The following KPNA3 variants were observed in gnomAD, a reference collection of about 807,000 sequenced individuals.
KPNA3 encodes karyopherin subunit alpha 3.
A neutral mutation model predicts 73.8 loss-of-function variants in KPNA3; 13 were observed. The observed-to-expected ratio is 0.18, with a 90% CI of 0.11 to 0.28. KPNA3 has a LOEUF of 0.28. Among genes scored for constraint, KPNA3 ranks in the 10% least tolerant of loss-of-function variants. The probability of loss-of-function intolerance (pLI) is 1.00; values close to 1 mark genes in which losing one functional copy is unlikely to be tolerated. For synonymous variants in KPNA3, 186 were observed against 206.9 expected, an observed-to-expected ratio of 0.90 and a Z score of 0.87; for missense variants, 360 against 618.1, an observed-to-expected ratio of 0.58 and a Z score of 4.43.
At chr13:49,762,871 AAAATT>A (rs1954779340) in intron 1 of KPNA3, among the ~76,000 whole-genome samples, 1 of 151,340 alleles carries the variant, frequency 6.6e-6, no homozygotes, top group Non-Finnish European at 1.5e-5. Context: ...TAAAAAAAAT[AAAATT>A]AAATTAAAAA....
chr13:49,734,003 A>G (rs1412888690), intron 2 of KPNA3, among the ~76,000 whole-genome samples: 3 of 152,262 alleles, frequency 2.0e-5, no homozygotes, highest in Admixed American at 6.5e-5. Context: ...TAAAATGGCT[A>G]TTGTTTTAAG....
chr13:49,785,986 T>C (rs992754382), intron 1 of KPNA3, among the ~76,000 whole-genome samples: 5 of 152,216 alleles, frequency 3.3e-5, no homozygotes, highest in African/African-American at 1.2e-4. Flanking sequence ...ACTGTTGTTA[T>C]TTAAGAGTGC....
At chr13:49,705,840 G>A (rs1954202762) in intron 14 of KPNA3, 57 bp from the exon 15 acceptor site, 2 of 1,415,964 alleles carry the variant, frequency 1.4e-6, no homozygotes, top group African/African-American at 2.9e-5. Flanking sequence ...TTTCCCAGTA[G>A]GGTGTCGTGC....
chr13:49,789,229 TG>T (rs1422202838), intron 1 of KPNA3, among the ~76,000 whole-genome samples: 1 of 152,216 alleles, frequency 6.6e-6, no homozygotes, highest in African/African-American at 2.4e-5. Context: ...ACAGGCCACC[TG>T]GAAGTCTCCT....
At chr13:49,766,688 C>T (rs763434294) in intron 1 of KPNA3, among the ~76,000 whole-genome samples, 3 of 152,102 alleles carry the variant, frequency 2.0e-5, no homozygotes, top group African/African-American at 4.8e-5. Flanking sequence ...AAGAATAAAT[C>T]GGAAACTTCA....
chr13:49,733,282 G>GTTTTTTTTT lies in KPNA3; in HGVS notation c.115-245_115-237dup, dbSNP rs760449062. Among the ~76,000 whole-genome samples, 19 of 100,916 alleles carry GTTTTTTTTT rather than the reference G, an allele frequency of 1.9e-4. 1 individual carries two copies. The highest frequency in any genetic ancestry group is 7.8e-4 in the South Asian group (2 of 2,578). 66.2% of individuals were successfully genotyped at this position (100,916 alleles called of 152,430 possible). ...CACTTCATTAAGCACCCACTGTGGT[G>GTTTTTTTTT]TTTTTTTTTTTTTTTTTTTTTGGAG... On this transcript the variant is annotated intron_variant, in intron 2 of 16. Coordinates refer to ENST00000261667, the MANE Select transcript of KPNA3 (RefSeq NM_002267.4).
intron 2 of KPNA3, among the ~76,000 whole-genome samples, chr13:49,735,306 G>A (rs1459568555): frequency 1.3e-5 from 2 of 152,094 alleles, no homozygotes; most frequent in Admixed American, 6.6e-5. Flanking sequence ...ATTTTTAGTA[G>A]AGACGGGGTT....
intron 1 of KPNA3, among the ~76,000 whole-genome samples, chr13:49,761,395 C>T (rs571309895): frequency 4.0e-5 from 6 of 151,800 alleles, no homozygotes; most frequent in Admixed American, 6.6e-5. Context: ...CACACCGCCA[C>T]GCCTGACTGG....
intron 3 of KPNA3, 86 bp from the exon 4 acceptor site, chr13:49,732,862 A>G (rs1230376935): frequency 7.6e-7 from 1 of 1,309,694 alleles, no homozygotes; most frequent in Non-Finnish European, 1.1e-6. Flanking sequence ...ATATACTTTC[A>G]TTATCATTAT....
Position 49,721,991 on chromosome 13 carries a change from A to G in KPNA3, c.690T>C (p.Asn230=), listed in dbSNP as rs751436146. 12 of 1,605,910 alleles carry G rather than the reference A, an allele frequency of 7.5e-6. No individual in the cohort carries two copies. Among genetic ancestry groups the G allele is most frequent in the Middle Eastern group, 1.7e-4 (1 of 6,020 alleles). The part of the protein sequence containing the change: ...VTWVIVNLCR[N]KDPPPPMETV... ...TCTCCATAGGCGGCGGGGGATCCTTATTCCTGCAGAGATTGACAATGACCC... is the reference window on the plus strand; with the variant it reads ...TCTCCATAGGCGGCGGGGGATCCTTGTTCCTGCAGAGATTGACAATGACCC... Residue 230 remains asparagine, a synonymous_variant, in exon 9 of 17, where the codon AAT becomes AAC. Coordinates refer to ENST00000261667, the MANE Select transcript of KPNA3 (RefSeq NM_002267.4).
rs1160622246 is a variant in KPNA3, at chr13:49,723,896, AG to A, written c.470-1334del. Among the ~76,000 whole-genome samples, 248 of 152,026 alleles carry A rather than the reference AG, an allele frequency of 1.6e-3. 1 individual carries two copies. Among genetic ancestry groups the A allele is most frequent in the African/African-American group, 5.5e-3 (229 of 41,490 alleles). ...AAAAAAAAAAAAAAGAAAAGAAAAA[AG>A]AAAAAAGAAATCTCATACTTAAGGC... On this transcript the variant is annotated intron_variant, in intron 7 of 16. Coordinates refer to ENST00000261667, the MANE Select transcript of KPNA3 (RefSeq NM_002267.4).
At chr13:49,767,154 C>T (rs1473627048) in intron 1 of KPNA3, among the ~76,000 whole-genome samples, 2 of 151,914 alleles carry the variant, frequency 1.3e-5, no homozygotes, top group Admixed American at 6.6e-5. Context: ...CAGTGGCTCA[C>T]GCCTGTAATC....
At chr13:49,782,419 T>A (rs1028270275) in intron 1 of KPNA3, among the ~76,000 whole-genome samples, 3 of 152,186 alleles carry the variant, frequency 2.0e-5, no homozygotes, top group African/African-American at 7.2e-5. Flanking sequence ...TCTATACTCT[T>A]ATAGTACTTT....
chr13:49,705,067 T>C (rs1293739838), intron 15 of KPNA3, among the ~76,000 whole-genome samples: 1 of 152,082 alleles, frequency 6.6e-6, no homozygotes, highest in Admixed American at 6.6e-5. Flanking sequence ...TTTCCTAAAA[T>C]GCAATGTCAG....
chr13:49,792,339 A>G, intron 1 of KPNA3, 99 bp downstream of exon 1: 1 of 726,278 alleles, frequency 1.4e-6, no homozygotes, highest in Non-Finnish European at 1.9e-6. Flanking sequence ...CCGGCCGACC[A>G]CAAGCCGACG....
At chr13:49,752,968 G>A (rs185729109) in intron 1 of KPNA3, among the ~76,000 whole-genome samples, 3 of 147,292 alleles carry the variant, frequency 2.0e-5, no homozygotes, top group Admixed American at 6.9e-5. Context: ...TGGAGCTTGC[G>A]GTGAGCCGAG....
chr13:49,759,922 G>C (rs1016567415), intron 1 of KPNA3, among the ~76,000 whole-genome samples: 22 of 151,986 alleles, frequency 1.4e-4, no homozygotes, highest in African/African-American at 4.6e-4. Flanking sequence ...AACAGACTTA[G>C]ACAATGTTCC....
intron 1 of KPNA3, among the ~76,000 whole-genome samples, chr13:49,777,055 TCA>T (rs1245687572): frequency 6.6e-6 from 1 of 152,238 alleles, no homozygotes; most frequent in Non-Finnish European, 1.5e-5. Context: ...ATCATCCTTC[TCA>T]GTCTACTGAA....
At chr13:49,740,810 A>AC (rs1390825285) in intron 2 of KPNA3, among the ~76,000 whole-genome samples, 1 of 151,266 alleles carries the variant, frequency 6.6e-6, no homozygotes, top group African/African-American at 2.4e-5. Flanking sequence ...AAATCCCTGT[A>AC]CCCCCCACCC....
Sources: allele counts gnomAD v4.1 joint callset (sites outside exome capture counted in the v4.1 genomes callset), GRCh38; gene constraint gnomAD v4.1.1; transcripts MANE v1.5; gene names NCBI Gene and HGNC (gene_info 2026-07-23, HGNC 2026-07-21).